ZNF527: variants seen among roughly 807,000 people sequenced by gnomAD.
ZNF527 encodes the protein zinc finger protein 527.
In ZNF527, 5 loss-of-function variants were observed where a neutral mutation model predicts 13.5. The ratio of observed to expected loss-of-function variants is 0.37; its 90% confidence interval spans 0.19 to 0.78. The LOEUF (loss-of-function observed/expected upper bound fraction) is 0.78. Among genes scored for constraint, ZNF527 ranks in the 30% least tolerant of loss-of-function variants. The probability of loss-of-function intolerance (pLI) is 0.48; values close to 1 mark genes in which losing one functional copy is unlikely to be tolerated. For synonymous variants in ZNF527, 209 were observed against 243.1 expected (o/e 0.86, Z 1.30); for missense variants, 628 against 726.4 (o/e 0.86, Z 1.56).
chr19:37,377,883 T>C (rs1289200934), intron 2 of ZNF527, among the ~76,000 whole-genome samples: 4 of 152,140 alleles, frequency 2.6e-5, no homozygotes, highest in African/African-American at 4.8e-5. Flanking sequence ...ACGGAGTTTA[T>C]TGATACAGTC....
chr19:37,384,272 C>T (rs190267466), intron 4 of ZNF527, among the ~76,000 whole-genome samples: 190 of 152,162 alleles, frequency 1.2e-3, no homozygotes, highest in Non-Finnish European at 2.1e-3. Context: ...GAGCTGGGAT[C>T]GCGCCACGGC....
At chr19:37,380,672 A>AAAGATATCG (rs2040646818) in intron 4 of ZNF527, among the ~76,000 whole-genome samples, 1 of 152,118 alleles carries the variant, frequency 6.6e-6, no homozygotes, top group African/African-American at 2.4e-5. Flanking sequence ...CAGAATTATC[A>AAAGATATCG]AAGATATGTA....
In ZNF527 at chr19:37,390,213, GA is replaced by G. The variant is rs1396465199; in HGVS notation, c.*335del. 5.1e-6 allele frequency: 1 copy of G among 196,318 alleles called. No individual in the cohort carries two copies. The highest frequency in any genetic ancestry group is 1.0e-5 in the Non-Finnish European group (1 of 95,418). 12.2% of individuals were successfully genotyped at this position (196,318 alleles called of 1,614,324 possible). Reference sequence around the variant, plus strand: ...CTGGCTAATTTTTGTATTTTTAGTAGAGACGGGGTTTCACCACATTGGTCAG... The same window carrying G: ...CTGGCTAATTTTTGTATTTTTAGTAGGACGGGGTTTCACCACATTGGTCAG... On this transcript the variant is annotated 3_prime_UTR_variant, in exon 5 of 5. Transcript: ENST00000436120.
intron 4 of ZNF527, chr19:37,385,665 C>G: frequency 3.8e-6 from 1 of 261,128 alleles, no homozygotes; most frequent in Non-Finnish European, 7.1e-6. Flanking sequence ...GTAAATTAAC[C>G]TGTGGTAAAA....
chr19:37,378,980 CA>C, intron 2 of ZNF527, 139 bp from the exon 3 acceptor site: 1 of 885,318 alleles, frequency 1.1e-6, no homozygotes, highest in Admixed American at 3.1e-5. Context: ...AAGTATTTGA[CA>C]AACCTCAGCA....
chr19:37,383,641 C>T (rs1047123725), intron 4 of ZNF527, among the ~76,000 whole-genome samples: 7 of 151,178 alleles, frequency 4.6e-5, no homozygotes, highest in East Asian at 2.0e-4. Flanking sequence ...TGGGTTCAAG[C>T]GATTCTCCTG....
At chr19:37,372,917 C>A (rs1384508743) in intron 1 of ZNF527, among the ~76,000 whole-genome samples, 2 of 152,154 alleles carry the variant, frequency 1.3e-5, no homozygotes, top group Non-Finnish European at 2.9e-5. Context: ...AAGGTAACAC[C>A]TGCCATCTCT....
At chr19:37,381,626 T>C (rs1241915933) in intron 4 of ZNF527, among the ~76,000 whole-genome samples, 1 of 152,356 alleles carries the variant, frequency 6.6e-6, no homozygotes, top group South Asian at 2.1e-4. Context: ...CTTATTTTTC[T>C]ATTTGTAGTT....
chr19:37,373,430 T>C (rs2040574719), intron 1 of ZNF527, among the ~76,000 whole-genome samples: 1 of 152,178 alleles, frequency 6.6e-6, no homozygotes, highest in Non-Finnish European at 1.5e-5. Flanking sequence ...CACAGTAAAA[T>C]TTATTTATTC....
chr19:37,379,096 T>C, intron 2 of ZNF527, 24 bp from the exon 3 acceptor site: 1 of 1,614,018 alleles, frequency 6.2e-7, no homozygotes, highest in South Asian at 1.1e-5. Flanking sequence ...GGGCACCTGG[T>C]GAACAAGAAT....
intron 4 of ZNF527, among the ~76,000 whole-genome samples, chr19:37,382,898 G>A (rs1206560899): frequency 1.3e-5 from 2 of 152,050 alleles, no homozygotes; most frequent in Admixed American, 6.6e-5. Context: ...GTAGAGACAG[G>A]GTTTCACCAT....
intron 4 of ZNF527, among the ~76,000 whole-genome samples, chr19:37,384,327 T>G (rs2040680051): frequency 1.3e-5 from 2 of 151,470 alleles, no homozygotes; most frequent in Non-Finnish European, 2.9e-5. Flanking sequence ...CGGAAAAAAA[T>G]TAAAAAGTAA....
Position 37,391,875 on chromosome 19 carries a change from G to A in ZNF527, c.*1996G>A, listed in dbSNP as rs936302905. 1 of 152,096 alleles carries A rather than the reference G, an allele frequency of 6.6e-6. No individual in the cohort carries two copies. Among genetic ancestry groups the A allele is most frequent in the Non-Finnish European group, 1.5e-5 (1 of 68,012 alleles). 9.4% of individuals were successfully genotyped at this position (152,096 alleles called of 1,614,324 possible). A position where few individuals can be genotyped will look rare whatever the true frequency, so the allele number is the denominator to read the frequency against. ...GCAGCTGGGCCATCTTGAATAGTGA[G>A]AACCAGTAAGAATATTGGGTATTGC... On this transcript the variant is annotated 3_prime_UTR_variant, in exon 5 of 5. Transcript: ENST00000436120.
intron 3 of ZNF527, 178 bp from the exon 4 acceptor site, chr19:37,380,099 C>G: frequency 4.8e-6 from 6 of 1,246,930 alleles, no homozygotes; most frequent in Non-Finnish European, 6.3e-6. Flanking sequence ...ACGGCAGAAG[C>G]TTCATCCTCC....
intron 1 of ZNF527, among the ~76,000 whole-genome samples, 168 bp downstream of exon 1, chr19:37,371,394 T>C (rs1454611284): frequency 6.6e-6 from 1 of 152,180 alleles, no homozygotes; most frequent in African/African-American, 2.4e-5. Context: ...TGTGATCTTG[T>C]GTCACTGTGT....
intron 4 of ZNF527, chr19:37,384,811 T>G: frequency 1.6e-6 from 1 of 611,238 alleles, no homozygotes. Flanking sequence ...TCTATAAAGT[T>G]TTTCTCTTCT....
Position 37,389,662 on chromosome 19 carries a change from G to C in ZNF527, c.1613G>C (p.Gly538Ala). ...AAATGTGGAAAGGCCTTCAGTTGTGGCTCATATCTTAATCAACATCAAAGA... is the reference window on the plus strand; with the variant it reads ...AAATGTGGAAAGGCCTTCAGTTGTGCCTCATATCTTAATCAACATCAAAGA... ...CNKCGKAFSC[G>A]SYLNQHQRIH... The change falls in exon 5 of 5, where the codon GGC becomes GCC. Residue 538 changes from glycine to alanine, a missense_variant. Gly to Ala is a moderately conservative substitution (Grantham distance 60). Around this residue, in one of 3 missense-constraint regions of ZNF527, gnomAD observed 592 missense variants for 678.0 expected, o/e 0.87. Transcript: ENST00000436120. 6.2e-7 allele frequency: 1 copy of C among 1,613,950 alleles called. No homozygotes were observed. Among genetic ancestry groups the C allele is most frequent in the Non-Finnish European group, 8.5e-7 (1 of 1,179,994 alleles).
At chr19:37,374,293 C>A (rs941727459) in intron 2 of ZNF527, 62 bp downstream of exon 2, 1 of 1,556,984 alleles carries the variant, frequency 6.4e-7, no homozygotes, top group South Asian at 1.1e-5. Flanking sequence ...ACTTTGGGAC[C>A]ACAGGGAAAA....
intron 3 of ZNF527, chr19:37,379,740 G>C (rs1409059712): frequency 1.9e-5 from 3 of 155,274 alleles, no homozygotes; most frequent in Non-Finnish European, 4.3e-5. Flanking sequence ...TGGGATTACA[G>C]GCGTGAGCCA....
Sources: gnomAD v4.1 joint callset for allele counts (sites outside exome capture counted in the v4.1 genomes callset) on GRCh38, gnomAD v4.1.1 for gene constraint, gnomAD v4.1.1 regional missense constraint, MANE v1.5 for transcripts, NCBI Gene and HGNC (gene_info 2026-07-23, HGNC 2026-07-21) for gene names.